Variants in BIRC6 observed in about 807,000 individuals in gnomAD.
BIRC6 encodes baculoviral IAP repeat containing 6.
A neutral mutation model predicts 503.3 loss-of-function variants in BIRC6; 98 were observed. The ratio of observed to expected loss-of-function variants is 0.19; its 90% CI spans 0.17 to 0.23. BIRC6 has a LOEUF of 0.23. BIRC6 is among the 10% of genes least tolerant of loss of function. The pLI, the probability that BIRC6 is intolerant of heterozygous loss-of-function variation, is 1.00. For synonymous variants in BIRC6, 2,240 were observed against 2,078.7 expected (o/e 1.08, Z -2.11); for missense variants, 5,360 against 5,806.0 (o/e 0.92, Z 2.50).
chr2:32,501,745 A>C lies in BIRC6; in HGVS notation c.9064A>C (p.Asn3022His). ...ASGLHLTKHENFHGGLDAISV... is the reference protein window; with the variant it reads ...ASGLHLTKHEHFHGGLDAISV... ...TGGATTACATCTCACTAAACATGAAAACTTTCATGGTGGGTTGGATGCCAT... is the reference window on the plus strand; with the variant it reads ...TGGATTACATCTCACTAAACATGAACACTTTCATGGTGGGTTGGATGCCAT... Residue 3022 changes from asparagine to histidine, a missense_variant, in exon 47 of 74, where the codon AAC becomes CAC. This residue lies in a region of BIRC6 where 267 missense variants were observed against 287.6 expected (regional missense o/e 0.93). Coordinates refer to ENST00000421745, the MANE Select transcript of BIRC6 (RefSeq NM_016252.4). 6.2e-7 allele frequency: 1 copy of C among 1,612,488 alleles called. No homozygotes were observed.
Position 32,452,052 on chromosome 2 carries a change from A to G in BIRC6, c.4619-1756A>G, listed in dbSNP as rs574438903. On this transcript the variant is annotated intron_variant, in intron 22 of 73. Coordinates refer to ENST00000421745, the MANE Select transcript of BIRC6 (RefSeq NM_016252.4). ...AGAGTTTGAGAAGTTCATTGGTAAG[A>G]TTTCAGATACCACATTGTAACCTTT... Among the ~76,000 whole-genome samples the G allele has an allele frequency of 6.6e-5, 10 of 152,306 alleles. No individual in the cohort carries two copies. The East Asian group carries it at 1.5e-3, about 23-fold the overall frequency.
At chr2:32,381,594 G>A (rs974942016) in intron 3 of BIRC6, among the ~76,000 whole-genome samples, 4 of 146,022 alleles carry the variant, frequency 2.7e-5, no homozygotes, top group African/African-American at 7.7e-5. Flanking sequence ...AACCTAGGCT[G>A]GAGTGCAGTG....
At chr2:32,389,031 AT>A in intron 4 of BIRC6, 88 bp downstream of exon 4, 2 of 915,320 alleles carry the variant, frequency 2.2e-6, no homozygotes, top group Non-Finnish European at 2.9e-6. Flanking sequence ...TCTGGTTATG[AT>A]TTTTAAAAAT....
At chr2:32,614,641 A>G (rs932443417) in intron 73 of BIRC6, among the ~76,000 whole-genome samples, 1 of 151,898 alleles carries the variant, frequency 6.6e-6, no homozygotes, top group East Asian at 1.9e-4. Context: ...CAGCCTGGCC[A>G]ACATGGTGAA....
chr2:32,401,568 G>A lies in BIRC6; in HGVS notation c.1363G>A (p.Ala455Thr). 1 of 1,614,016 alleles carries A rather than the reference G, an allele frequency of 6.2e-7. No individual in the cohort carries two copies. Among genetic ancestry groups the A allele is most frequent in the Non-Finnish European group, 8.5e-7 (1 of 1,179,904 alleles). Reference protein sequence around the residue: ...SGVDSRRPTLAWLEDSSSCSD... With the variant: ...SGVDSRRPTLTWLEDSSSCSD... ...AGTTGATTCAAGGAGACCAACTTTG[G>A]CGTGGCTGGAGGACTCCTCTAGTTG... is the stretch of plus-strand genomic sequence containing the variant. Residue 455 changes from alanine (A) to threonine (T), a missense_variant, in exon 8 of 74, where the codon GCG (alanine) becomes ACG (threonine). Transcript: ENST00000421745.
At chr2:32,545,120 G>A (rs779153844) in intron 62 of BIRC6, among the ~76,000 whole-genome samples, 6 of 151,978 alleles carry the variant, frequency 3.9e-5, no homozygotes, top group African/African-American at 7.2e-5. Context: ...TTATTAAAAA[G>A]GATAGTTATG....
chr2:32,471,197 T>G, intron 32 of BIRC6, 73 bp downstream of exon 32: 2 of 1,524,890 alleles, frequency 1.3e-6, no homozygotes, highest in Non-Finnish European at 1.8e-6. Context: ...TTTGAGTGAC[T>G]TCGCAGTTGT....
Position 32,500,129 on chromosome 2 carries a change from A to C in BIRC6, c.9031+20A>C, listed in dbSNP as rs779053356. On this transcript the variant is annotated intron_variant, in intron 46 of 73. Coordinates refer to ENST00000421745, the MANE Select transcript of BIRC6 (RefSeq NM_016252.4). The stretch of plus-strand genomic sequence containing the variant: ...TAATTGGTATGTATTGAGAATATTA[A>C]TCTTACCATTGTCTCTGATACTATA... 3 of 1,553,420 alleles carry C rather than the reference A, an allele frequency of 1.9e-6. No homozygotes were observed. The highest frequency in any genetic ancestry group is 2.6e-6 in the Non-Finnish European group (3 of 1,144,970).
chr2:32,469,580 A>G lies in BIRC6; in HGVS notation c.6313A>G (p.Asn2105Asp), dbSNP rs771805411. 2.5e-6 allele frequency: 4 copies of G among 1,613,830 alleles called. No homozygotes were observed. The highest frequency in any genetic ancestry group is 3.4e-6 in the Non-Finnish European group (4 of 1,179,758). Residue 2105 changes from asparagine (N) to aspartate (D), a missense_variant, in exon 30 of 74, where the codon AAT becomes GAT. Physicochemically the swap from Asn to Asp is conservative, Grantham distance 23. Around this residue, in one of 16 missense-constraint regions of BIRC6, gnomAD observed 2,299 missense variants for 2,267.2 expected, o/e 1.01. Transcript: ENST00000421745. ...TTCTAATGTCCTTCAGGAATTGTACAATTCGGAACAGCTTCTCATCTTTCC... is the reference window on the plus strand; with the variant it reads ...TTCTAATGTCCTTCAGGAATTGTACGATTCGGAACAGCTTCTCATCTTTCC... ...FLSNVLQELY[N>D]SEQLLIFPQD... is the part of the protein sequence containing the mutation.
chr2:32,448,739 A>G (rs1270098319), intron 21 of BIRC6, 56 bp from the exon 22 acceptor site: 1 of 1,540,920 alleles, frequency 6.5e-7, no homozygotes, highest in African/African-American at 1.4e-5. Context: ...AGTAAAGGTA[A>G]TTTGTTAATT....
chr2:32,441,753 G>C (rs12991060), intron 17 of BIRC6, among the ~76,000 whole-genome samples: 3 of 151,934 alleles, frequency 2.0e-5, no homozygotes, highest in Admixed American at 6.6e-5. Flanking sequence ...CTCAAGACGT[G>C]GGGGTAGGAG....
intron 59 of BIRC6, chr2:32,529,121 C>T (rs1050724272): frequency 2.0e-5 from 3 of 152,092 alleles, no homozygotes; most frequent in African/African-American, 7.2e-5. Flanking sequence ...ATGGTGGAGG[C>T]GAACAAACTA....
rs370689687 is a variant in BIRC6, at chr2:32,525,508, C to A, written c.11800C>A (p.Arg3934Ser). The A allele has an allele frequency of 1.2e-6, 2 of 1,613,968 alleles. No individual in the cohort carries two copies. The highest frequency in any genetic ancestry group is 1.7e-6 in the Non-Finnish European group (2 of 1,179,878). Residue 3934 changes from arginine (R) to serine (S), a missense_variant, in exon 59 of 74, where the codon CGC becomes AGC. Around this residue, in one of 16 missense-constraint regions of BIRC6, gnomAD observed 878 missense variants for 928.9 expected, o/e 0.95. Transcript: ENST00000421745. ...SKRAVSATPP[R>S]PPSRRGRTIP... ...ACGTGCTGTGTCAGCTACACCACCT[C>A]GCCCACCATCCAGGAGGGGGAGGAC... is the stretch of plus-strand genomic sequence containing the variant.
At chr2:32,578,396 A>G (rs2151093915) in intron 66 of BIRC6, among the ~76,000 whole-genome samples, 1 of 152,280 alleles carries the variant, frequency 6.6e-6, no homozygotes, top group Middle Eastern at 3.4e-3. Context: ...AAAATCCTAG[A>G]ATACTCTGAG....
chr2:32,439,539 A>G lies in BIRC6; in HGVS notation c.3663A>G (p.Leu1221=). The G allele has an allele frequency of 6.2e-7, 1 of 1,613,702 alleles. No homozygotes were observed. Among genetic ancestry groups the G allele is most frequent in the Non-Finnish European group, 8.5e-7 (1 of 1,179,762 alleles). Residue 1221 remains leucine, a synonymous_variant, in exon 16 of 74, where the codon TTA becomes TTG. Transcript: ENST00000421745. ...GMAGGKYRSF[L]IHVKAVNERG... is the part of the protein sequence containing the mutation. ...CAGGAGGAAAATATCGTTCGTTTTT[A>G]ATCCATGTCAAGGCAGTGAATGAAA...
At chr2:32,563,018 GTCAGTCCTCTGACTTTGTTCT>G (rs1377863408) in intron 65 of BIRC6, among the ~76,000 whole-genome samples, 4 of 152,172 alleles carry the variant, frequency 2.6e-5, no homozygotes, top group Non-Finnish European at 5.9e-5. Flanking sequence ...GTCATATAGT[GTCAGTCCTCTGACTTTGTTCT>G]TCAATGTTGT....
intron 23 of BIRC6, among the ~76,000 whole-genome samples, chr2:32,461,032 CTT>C (rs1558789247): frequency 0.041 from 3,413 of 82,726 alleles, 209 homozygotes; most frequent in Non-Finnish European, 0.06. Context: ...CTTCTCTTCT[CTT>C]CTCTTCTCTT....
In BIRC6 at chr2:32,416,012, T is replaced by A; in HGVS notation, c.2721T>A (p.Thr907=). ...ISTLGHLVIT[T]QGGYVKILDL... is the part of the protein sequence containing the mutation. The stretch of plus-strand genomic sequence containing the variant: ...CTCTTGGACACCTGGTAATAACCAC[T>A]CAGGGAGGATATGTAAAAATACTAG... The change falls in exon 10 of 74, where the codon ACT becomes ACA. Residue 907 remains threonine (T), a synonymous_variant. Transcript: ENST00000421745. The A allele has an allele frequency of 6.2e-7, 1 of 1,613,922 alleles. No individual in the cohort carries two copies. Among genetic ancestry groups the A allele is most frequent in the Non-Finnish European group, 8.5e-7 (1 of 1,179,860 alleles).
chr2:32,481,464 T>C lies in BIRC6; in HGVS notation c.7542+11T>C, dbSNP rs369481407. The C allele has an allele frequency of 6.3e-7, 1 of 1,598,458 alleles. No homozygotes were observed. Among genetic ancestry groups the C allele is most frequent in the African/African-American group, 1.3e-5 (1 of 74,200 alleles). ...GCCAAGGTTTTTAAGGTATGATACA[T>C]GAGAATAGTCTTTGAAAGGAGGCCG... On this transcript the variant is annotated intron_variant, in intron 38 of 73. Coordinates refer to ENST00000421745, the MANE Select transcript of BIRC6 (RefSeq NM_016252.4).
Sources: allele counts gnomAD v4.1 joint callset (sites outside exome capture counted in the v4.1 genomes callset), GRCh38; gene constraint gnomAD v4.1.1; regional missense constraint gnomAD v4.1.1; transcripts MANE v1.5; gene names NCBI Gene and HGNC (gene_info 2026-07-23, HGNC 2026-07-21).